ANKRD30B: variants seen among roughly 807,000 people sequenced by gnomAD.
ANKRD30B encodes the protein ankyrin repeat domain-containing protein 30B.
ANKRD30B carries 144 observed loss-of-function variants against 202.2 expected under a neutral mutation model. The observed-to-expected ratio is 0.71, with a 90% CI of 0.62 to 0.82. The LOEUF is 0.82. ANKRD30B is among the 40% of genes least tolerant of loss of function. ANKRD30B has a pLI of 0.00. For synonymous variants in ANKRD30B, 508 were observed against 561.3 expected, an observed-to-expected ratio of 0.91 and a Z score of 1.34; for missense variants, 1,487 against 1,669.1, an observed-to-expected ratio of 0.89 and a Z score of 1.90.
At chr18:14,831,797 G>C (rs11875962) in intron 34 of ANKRD30B, among the ~76,000 whole-genome samples, 106 of 152,074 alleles carry the variant, frequency 7.0e-4, no homozygotes, top group Middle Eastern at 3.4e-3. Flanking sequence ...TCTGGTAAAG[G>C]TTTCTTTGCA....
At chr18:14,921,879 G>GT in the ANKRD30B span, among the ~76,000 whole-genome samples, 1 of 152,112 alleles carries the variant, frequency 6.6e-6, no homozygotes, top group Non-Finnish European at 1.5e-5. Flanking sequence ...AGGGAAAAAG[G>GT]GGAGACAGAG....
At chr18:14,907,730 C>T in the ANKRD30B span, among the ~76,000 whole-genome samples, 1 of 152,174 alleles carries the variant, frequency 6.6e-6, no homozygotes. Flanking sequence ...ACTGGCCTCC[C>T]AAGCGTCCTG....
chr18:14,797,852 C>A lies in ANKRD30B; in HGVS notation c.2027C>A (p.Ala676Glu). Residue 676 changes from alanine to glutamate, a missense_variant and splice_region_variant, in exon 20 of 44, where the codon GCA (alanine) becomes GAA (glutamate). Around this residue, in one of 6 missense-constraint regions of ANKRD30B, gnomAD observed 889 missense variants for 841.4 expected, o/e 1.06. Transcript: ENST00000690538. ...LELKDRETLK[A>E]ESPDNDGLLK... ...TTAAAGGACAGAGAAACACTCAAAG[C>A]AGGTACATTTTGTAATTTAAATTTT... is the stretch of plus-strand genomic sequence containing the variant. 1.9e-6 allele frequency: 3 copies of A among 1,545,112 alleles called. No individual in the cohort carries two copies. The highest frequency in any genetic ancestry group is 1.7e-6 in the Non-Finnish European group (2 of 1,145,030).
Position 14,800,145 on chromosome 18 carries a change from T to C in ANKRD30B, c.2131+850T>C, listed in dbSNP as rs1320964217. ...TATTCTGGAGGCTGAGGCAGGAGAA[T>C]TGCTTGAACCCATGAGGCAGAAGTT... On this transcript the variant is annotated intron_variant, in intron 22 of 43. Transcript: ENST00000690538. Among the ~76,000 whole-genome samples the C allele has an allele frequency of 2.0e-5, 3 of 151,150 alleles. No homozygotes were observed. In the East Asian group the frequency reaches 5.8e-4, roughly 29 times the overall value.
the ANKRD30B span, chr18:14,905,939 T>C: frequency 6.6e-6 from 1 of 152,298 alleles, no homozygotes; most frequent in East Asian, 1.9e-4. Context: ...ATGTCTGACC[T>C]GTCTTCCTTT....
intron 15 of ANKRD30B, 119 bp downstream of exon 15, chr18:14,787,219 T>C (rs1223165141): frequency 2.3e-6 from 2 of 868,454 alleles, no homozygotes; most frequent in Admixed American, 3.0e-5. Flanking sequence ...TATTTTTTGA[T>C]ATTTTTCAGA....
At chr18:14,777,722 A>T (rs1380888364) in intron 9 of ANKRD30B, among the ~76,000 whole-genome samples, 3 of 151,584 alleles carry the variant, frequency 2.0e-5, no homozygotes, top group Non-Finnish European at 4.4e-5. Flanking sequence ...CGGGCGGATC[A>T]CTTGAGGTCA....
At chr18:14,755,275 G>T (rs548942586) in intron 4 of ANKRD30B, among the ~76,000 whole-genome samples, 1 of 152,170 alleles carries the variant, frequency 6.6e-6, no homozygotes, top group East Asian at 1.9e-4. Context: ...ATTAGCTAAA[G>T]TGGTTCTGCA....
At chr18:14,894,905 A>G in the ANKRD30B span, among the ~76,000 whole-genome samples, 1 of 149,324 alleles carries the variant, frequency 6.7e-6, no homozygotes, top group African/African-American at 2.5e-5. Context: ...AAAGTGGGCA[A>G]AATCTGGACA....
chr18:14,757,735 A>C, intron 4 of ANKRD30B, 80 bp from the exon 5 acceptor site: 4 of 1,430,000 alleles, frequency 2.8e-6, no homozygotes, highest in Non-Finnish European at 3.8e-6. Context: ...TTGTTAGTAC[A>C]TGTAAATGGT....
chr18:14,936,539 T>C, the ANKRD30B span, among the ~76,000 whole-genome samples: 1 of 151,504 alleles, frequency 6.6e-6, no homozygotes, highest in Non-Finnish European at 1.5e-5. Flanking sequence ...GGGCGGAGGG[T>C]AGGGAGGGAT....
Position 14,772,172 on chromosome 18 carries a change from A to T in ANKRD30B, c.1273A>T (p.Thr425Ser). ...EPIFSLFGTR[T>S]IENSQCTKVE... ...TCTTTAAAGTCTTTTTGGCACACGG[A>T]CTATTGAAAATTCACAGTGTACAAA... Residue 425 changes from threonine (T) to serine (S), a missense_variant, in exon 9 of 44, where the codon ACT becomes TCT. Physicochemically the swap from Thr to Ser is moderately conservative, Grantham distance 58. Around this residue, in one of 6 missense-constraint regions of ANKRD30B, gnomAD observed 889 missense variants for 841.4 expected, o/e 1.06. Transcript: ENST00000690538. 1 of 1,502,030 alleles carries T rather than the reference A, an allele frequency of 6.7e-7. No individual in the cohort carries two copies. 93.0% of individuals were successfully genotyped at this position (1,502,030 alleles called of 1,614,324 possible). A position where few individuals can be genotyped will look rare whatever the true frequency, so the allele number is the denominator to read the frequency against.
chr18:14,866,542 G>A, the ANKRD30B span, among the ~76,000 whole-genome samples: 17 of 152,292 alleles, frequency 1.1e-4, no homozygotes, highest in Non-Finnish European at 1.8e-4. Flanking sequence ...CGTGCCCAAC[G>A]CTGGCAGCTG....
intron 24 of ANKRD30B, chr18:14,808,232 T>G (rs539272238): frequency 9.7e-5 from 34 of 349,204 alleles, no homozygotes; most frequent in Middle Eastern, 9.9e-4. Flanking sequence ...CTTAATAAAT[T>G]CAACTTCTTT....
rs200679274 is a variant in ANKRD30B at position 14,760,615 on chromosome 18, C to A, written c.817C>A (p.Pro273Thr). ...KLPKNPQNTN[P>T]EGTSTGTPDE... ...ACCTAAAAATCCTCAAAATACCAAT[C>A]CAGGTAAGACTTCGGATAGCAAACT... The change falls in exon 6 of 44, where the codon CCA becomes ACA. Residue 273 changes from proline (P) to threonine (T), a missense_variant. Transcript: ENST00000690538. 23 of 1,532,242 alleles carry A rather than the reference C, an allele frequency of 1.5e-5. No homozygotes were observed. Among genetic ancestry groups the A allele is most frequent in the Non-Finnish European group, 1.9e-5 (22 of 1,136,638 alleles). 94.9% of individuals were successfully genotyped at this position (1,532,242 alleles called of 1,614,324 possible).
At chr18:14,798,408 G>A (rs529901623) in intron 20 of ANKRD30B, among the ~76,000 whole-genome samples, 54 of 152,186 alleles carry the variant, frequency 3.5e-4, no homozygotes, top group Middle Eastern at 3.4e-3. Flanking sequence ...ATTTCTAACA[G>A]AGCCTTAAAA....
Position 14,826,686 on chromosome 18 carries a change from C to CTG in ANKRD30B, c.2744-1591_2744-1590insGT, listed in dbSNP as rs1970676924. ...TCTCTCTCTCTCTCCCCCTCTCTCT[C>CTG]TCTCTCTCACACACACACACACACA... On this transcript the variant is annotated intron_variant, in intron 32 of 43. Coordinates refer to ENST00000690538, the MANE Select transcript of ANKRD30B (RefSeq NM_001367607.2). 2.0e-4 allele frequency among the ~76,000 whole-genome samples: 9 copies of CTG among 44,546 alleles called. No individual in the cohort carries two copies. The Admixed American group carries it at 2.5e-3, about 12-fold the overall frequency. The allele number at this position is 44,546 out of a possible 152,430, so 29.2% of individuals were successfully genotyped here.
At chr18:14,872,801 A>G in the ANKRD30B span, among the ~76,000 whole-genome samples, 3 of 152,122 alleles carry the variant, frequency 2.0e-5, no homozygotes, top group African/African-American at 7.2e-5. Context: ...GAGTCGATAC[A>G]ACTGGCATGT....
At chr18:14,866,479 C>T in the ANKRD30B span, among the ~76,000 whole-genome samples, 4 of 152,092 alleles carry the variant, frequency 2.6e-5, no homozygotes, top group African/African-American at 7.2e-5. Flanking sequence ...AGGAGGGTGG[C>T]TGGCAGCTGG....
Sources: allele counts gnomAD v4.1 joint callset (sites outside exome capture counted in the v4.1 genomes callset), GRCh38; gene constraint gnomAD v4.1.1; regional missense constraint gnomAD v4.1.1; transcripts MANE v1.5; gene names NCBI Gene and HGNC (gene_info 2026-07-23, HGNC 2026-07-21).